CSMD1: variants seen among roughly 807,000 people sequenced by gnomAD.
CSMD1 encodes the protein CUB and sushi domain-containing protein 1.
In CSMD1, 213 loss-of-function variants were observed where a neutral mutation model predicts 417.5. The ratio of observed to expected loss-of-function variants is 0.51; its 90% CI spans 0.46 to 0.57. The LOEUF is 0.57. CSMD1 is among the 20% of genes least tolerant of loss of function. The pLI, the probability that CSMD1 is intolerant of heterozygous loss-of-function variation, is 0.00. For synonymous variants in CSMD1, 2,862 were observed against 1,736.8 expected, an observed-to-expected ratio of 1.65 and a Z score of -16.11; for missense variants, 6,923 against 4,529.7, an observed-to-expected ratio of 1.53 and a Z score of -15.17.
At chr8:3,386,592 G>A (rs543934126) in intron 18 of CSMD1, among the ~76,000 whole-genome samples, 23 of 152,318 alleles carry the variant, frequency 1.5e-4, no homozygotes, top group Non-Finnish European at 2.9e-4. Context: ...AGAAGTCAAG[G>A]TGTTTAATGA....
At chr8:3,691,998 G>C (rs1800272362) in intron 7 of CSMD1, among the ~76,000 whole-genome samples, 1 of 152,264 alleles carries the variant, frequency 6.6e-6, no homozygotes, top group Middle Eastern at 3.4e-3. Flanking sequence ...TCATGAGACA[G>C]GATGCTGGGC....
At chr8:3,686,338 C>G (rs1209675087) in intron 7 of CSMD1, among the ~76,000 whole-genome samples, 1 of 152,156 alleles carries the variant, frequency 6.6e-6, no homozygotes, top group Non-Finnish European at 1.5e-5. Flanking sequence ...GCCTTCACTT[C>G]TCTACGCTTG....
chr8:4,717,549 C>CCTATCTATCTATCTAT (rs555540196), intron 1 of CSMD1, among the ~76,000 whole-genome samples: 99 of 148,860 alleles, frequency 6.7e-4, no homozygotes, highest in African/African-American at 2.5e-3. Flanking sequence ...TGTCTGTCTA[C>CCTATCTATCTATCTAT]CTATCTATCT....
intron 5 of CSMD1, among the ~76,000 whole-genome samples, chr8:3,976,699 G>A (rs965036780): frequency 6.6e-6 from 1 of 152,090 alleles, no homozygotes; most frequent in East Asian, 1.9e-4. Flanking sequence ...TTTTACTTAT[G>A]AACCCTTTTA....
chr8:3,269,060 A>G (rs981234210), intron 26 of CSMD1, among the ~76,000 whole-genome samples: 1 of 152,342 alleles, frequency 6.6e-6, no homozygotes. Flanking sequence ...AATGTTAGAG[A>G]AAATGAATCA....
chr8:3,804,083 C>T (rs939916482), intron 5 of CSMD1, among the ~76,000 whole-genome samples: 1 of 152,016 alleles, frequency 6.6e-6, no homozygotes, highest in Non-Finnish European at 1.5e-5. Flanking sequence ...TGCACCACCA[C>T]ATCCAGCTAT....
chr8:3,145,889 G>A (rs967280955), intron 40 of CSMD1, among the ~76,000 whole-genome samples: 1 of 152,198 alleles, frequency 6.6e-6, no homozygotes, highest in Non-Finnish European at 1.5e-5. Context: ...TTAAGTGCCA[G>A]TGACAAGTCA....
intron 3 of CSMD1, among the ~76,000 whole-genome samples, chr8:4,040,892 C>A (rs931718060): frequency 5.3e-5 from 8 of 151,960 alleles, no homozygotes; most frequent in African/African-American, 1.9e-4. Context: ...ATGTAAATGG[C>A]TCTTGAGAAG....
At chr8:4,215,955 G>C (rs1270061102) in intron 3 of CSMD1, among the ~76,000 whole-genome samples, 1 of 152,138 alleles carries the variant, frequency 6.6e-6, no homozygotes, top group Non-Finnish European at 1.5e-5. Context: ...AGTTTCTTTT[G>C]TTGGCATTTT....
At chr8:4,817,359 T>C (rs1408867880) in intron 1 of CSMD1, among the ~76,000 whole-genome samples, 4 of 152,196 alleles carry the variant, frequency 2.6e-5, no homozygotes, top group Non-Finnish European at 5.9e-5. Context: ...ATAAAACATC[T>C]ATAACAAATT....
intron 31 of CSMD1, among the ~76,000 whole-genome samples, chr8:3,203,337 A>C (rs1272320205): frequency 6.6e-6 from 1 of 152,176 alleles, no homozygotes; most frequent in Non-Finnish European, 1.5e-5. Context: ...ACTGAGTCCC[A>C]GTGAGCAAAC....
chr8:4,582,277 TC>T (rs1326631070), intron 2 of CSMD1, among the ~76,000 whole-genome samples: 1 of 152,172 alleles, frequency 6.6e-6, no homozygotes, highest in Non-Finnish European at 1.5e-5. Context: ...GACATGATCT[TC>T]CGGCTAAGAT....
chr8:4,108,153 G>C (rs1221573594), intron 3 of CSMD1, among the ~76,000 whole-genome samples: 2 of 151,984 alleles, frequency 1.3e-5, no homozygotes, highest in African/African-American at 2.4e-5. Context: ...AGACAGAAGA[G>C]AGACAGTTTT....
chr8:3,728,172 C>A (rs1055018199), intron 6 of CSMD1, among the ~76,000 whole-genome samples: 1 of 152,110 alleles, frequency 6.6e-6, no homozygotes, highest in Non-Finnish European at 1.5e-5. Flanking sequence ...TGCTGTTGCC[C>A]CCATACTGTT....
Position 4,006,458 on chromosome 8 carries a change from C to T in CSMD1, c.611-8348G>A, listed in dbSNP as rs537770469. Among the ~76,000 whole-genome samples the T allele has an allele frequency of 1.3e-4, 20 of 152,230 alleles. No individual in the cohort carries two copies. In the East Asian group the frequency reaches 2.1e-3, roughly 16 times the overall value. On this transcript the variant is annotated intron_variant, in intron 4 of 69. Coordinates refer to ENST00000635120, the MANE Select transcript of CSMD1 (RefSeq NM_033225.6). ...TCTTGGGAGGCTGAGGCCGAAGAATCGCTTGAACTTGGGAGGCAGAGGTTG... is the reference window on the plus strand; with the variant it reads ...TCTTGGGAGGCTGAGGCCGAAGAATTGCTTGAACTTGGGAGGCAGAGGTTG...
chr8:3,680,459 C>G (rs537106958), intron 7 of CSMD1, among the ~76,000 whole-genome samples: 1 of 152,164 alleles, frequency 6.6e-6, no homozygotes, highest in Non-Finnish European at 1.5e-5. Context: ...AATTCCTTGA[C>G]ACATACACCC....
chr8:4,962,408 T>C (rs1809561431), intron 1 of CSMD1, among the ~76,000 whole-genome samples: 2 of 151,966 alleles, frequency 1.3e-5, no homozygotes, highest in Admixed American at 1.3e-4. Context: ...ACAGGGTCTT[T>C]CTATGTCGCC....
chr8:4,684,829 C>T (rs540809195), intron 1 of CSMD1, among the ~76,000 whole-genome samples: 1 of 152,236 alleles, frequency 6.6e-6, no homozygotes, highest in South Asian at 2.1e-4. Context: ...ATAGCTTATT[C>T]ATGTTAAAGA....
intron 2 of CSMD1, among the ~76,000 whole-genome samples, chr8:4,559,898 C>A (rs896200204): frequency 1.6e-4 from 24 of 152,204 alleles, no homozygotes; most frequent in African/African-American, 5.5e-4. Context: ...CTTTGGGTAA[C>A]TTGGGTTTCT....
Sources: allele counts gnomAD v4.1 joint callset (sites outside exome capture counted in the v4.1 genomes callset), GRCh38; gene constraint gnomAD v4.1.1; transcripts MANE v1.5; gene names NCBI Gene and HGNC (gene_info 2026-07-23, HGNC 2026-07-21).